The following STIM1 variants were observed in gnomAD, a reference collection of about 807,000 sequenced individuals.
STIM1 encodes stromal interaction molecule 1.
STIM1 carries 25 observed loss-of-function variants against 74.7 expected under a neutral mutation model. That is an observed-to-expected ratio of 0.33 (90% confidence interval 0.24 to 0.47). The LOEUF (loss-of-function observed/expected upper bound fraction) is 0.47. STIM1 is among the 20% of genes least tolerant of loss of function. STIM1 has a pLI of 1.00. For synonymous variants in STIM1, 328 were observed against 348.8 expected, an observed-to-expected ratio of 0.94 and a Z score of 0.66; for missense variants, 728 against 920.8, an observed-to-expected ratio of 0.79 and a Z score of 2.71.
At chr11:4,074,461 C>T (rs753305870) in intron 6 of STIM1, 41 bp from the exon 7 acceptor site, 2 of 1,611,350 alleles carry the variant, frequency 1.2e-6, no homozygotes, top group Non-Finnish European at 1.7e-6. Context: ...GCTGGCACCC[C>T]CTTGCCTGGC....
At chr11:4,052,914 G>C (rs1201972552) in intron 3 of STIM1, among the ~76,000 whole-genome samples, 1 of 152,170 alleles carries the variant, frequency 6.6e-6, no homozygotes. Context: ...TCAAAAAGTA[G>C]GCGAAGGATA....
At chr11:3,981,803 T>C (rs945131134) in intron 2 of STIM1, among the ~76,000 whole-genome samples, 3 of 152,112 alleles carry the variant, frequency 2.0e-5, no homozygotes, top group African/African-American at 7.2e-5. Context: ...CTTAAAATGA[T>C]AGGAAAGACT....
At chr11:4,058,089 G>A (rs1347968751) in intron 4 of STIM1, among the ~76,000 whole-genome samples, 2 of 152,162 alleles carry the variant, frequency 1.3e-5, no homozygotes, top group African/African-American at 2.4e-5. Flanking sequence ...TAGAAAAGAC[G>A]ACAATGTTTA....
At chr11:3,938,394 A>G (rs957511306) in intron 1 of STIM1, among the ~76,000 whole-genome samples, 3 of 152,140 alleles carry the variant, frequency 2.0e-5, no homozygotes, top group Non-Finnish European at 2.9e-5. Flanking sequence ...CCAAGTCACA[A>G]AATATCCTGT....
At chr11:4,001,423 A>G (rs373028797) in intron 2 of STIM1, among the ~76,000 whole-genome samples, 3 of 152,070 alleles carry the variant, frequency 2.0e-5, no homozygotes, top group Admixed American at 2.0e-4. Context: ...GAGAGTGGGG[A>G]CCAATATTCA....
intron 1 of STIM1, among the ~76,000 whole-genome samples, chr11:3,904,650 G>C (rs971028426): frequency 6.6e-6 from 1 of 152,150 alleles, no homozygotes; most frequent in South Asian, 2.1e-4. Flanking sequence ...AGTAGCAGAT[G>C]ATGAGGCTGG....
At chr11:4,032,927 T>C (rs1195332934) in intron 3 of STIM1, among the ~76,000 whole-genome samples, 2 of 152,258 alleles carry the variant, frequency 1.3e-5, no homozygotes, top group African/African-American at 4.8e-5. Flanking sequence ...CATGAAGTCC[T>C]TGCCCATGCC....
At chr11:4,088,607 G>C in intron 12 of STIM1, 1 of 1,187,840 alleles carries the variant, frequency 8.4e-7, no homozygotes, top group South Asian at 1.3e-5. Context: ...CATGCTCCAA[G>C]GTTTAAGCTG....
chr11:4,088,506 C>T, intron 12 of STIM1: 1 of 557,346 alleles, frequency 1.8e-6, no homozygotes, highest in Non-Finnish European at 3.3e-6. Flanking sequence ...TTCTCATTTT[C>T]ATCCAAAAGC....
At chr11:4,074,768 A>G in intron 7 of STIM1, 89 bp downstream of exon 7, 1 of 1,353,178 alleles carries the variant, frequency 7.4e-7, no homozygotes. Flanking sequence ...ATGTGTGAGG[A>G]ATTTGAAATA....
chr11:3,875,511 A>G (rs1029106761), intron 1 of STIM1, among the ~76,000 whole-genome samples: 1 of 152,142 alleles, frequency 6.6e-6, no homozygotes, highest in Non-Finnish European at 1.5e-5. Flanking sequence ...AGATCGCTTG[A>G]GCTCAGGAGC....
rs55792544 is a variant in STIM1 at position 3,875,725 on chromosome 11, CAA to C, written c.139+19328_139+19329del. The stretch of plus-strand genomic sequence containing the variant: ...TGGGTGACAAAGTGAGACCCTGTCT[CAA>C]AAAAAAAAAAACCCCTAAAAACAAC... On this transcript the variant is annotated intron_variant, in intron 1 of 12. Transcript: ENST00000526596. Among the ~76,000 whole-genome samples the C allele has an allele frequency of 9.1e-4, 125 of 137,326 alleles. 1 individual carries two copies. The highest frequency in any genetic ancestry group is 1.5e-3 in the African/African-American group (54 of 36,146). The allele number at this position is 137,326 out of a possible 152,430, so 90.1% of individuals were successfully genotyped here.
rs566281703 is a variant in STIM1 at position 3,930,465 on chromosome 11, C to G, written c.140-37087C>G. Among the ~76,000 whole-genome samples, 85 of 152,234 alleles carry G rather than the reference C, an allele frequency of 5.6e-4. 1 individual carries two copies. The South Asian group carries it at 0.016, about 29-fold the overall frequency. On this transcript the variant is annotated intron_variant, in intron 1 of 12. Coordinates refer to ENST00000526596, the MANE Select transcript of STIM1 (RefSeq NM_001382567.1). ...GGGGACACTTGTATTATTGAATTAT[C>G]TCATATAGCTCAGGAAAATGGGGGC...
chr11:3,909,540 T>A (rs2092525394), intron 1 of STIM1, among the ~76,000 whole-genome samples: 1 of 152,054 alleles, frequency 6.6e-6, no homozygotes, highest in South Asian at 2.1e-4. Context: ...AGTCATCTTA[T>A]GGGGCTGGGC....
intron 1 of STIM1, among the ~76,000 whole-genome samples, chr11:3,919,936 G>T (rs1238850981): frequency 1.3e-5 from 2 of 152,020 alleles, no homozygotes; most frequent in African/African-American, 4.8e-5. Flanking sequence ...AAATTAGTCT[G>T]GCATGGTGGC....
At chr11:3,884,559 G>A (rs987655550) in intron 1 of STIM1, among the ~76,000 whole-genome samples, 3 of 152,172 alleles carry the variant, frequency 2.0e-5, no homozygotes, top group African/African-American at 4.8e-5. Context: ...CTGGCAAAAG[G>A]GAATAGCCTT....
chr11:3,877,453 A>G (rs1185073602), intron 1 of STIM1, among the ~76,000 whole-genome samples: 1 of 152,074 alleles, frequency 6.6e-6, no homozygotes, highest in Non-Finnish European at 1.5e-5. Flanking sequence ...GAGACTCTGG[A>G]CTTAGCTGAT....
At chr11:3,886,910 T>G (rs10160254) in intron 1 of STIM1, among the ~76,000 whole-genome samples, 55,498 of 150,604 alleles carry the variant, frequency 0.37, 10,683 homozygotes, top group South Asian at 0.48. Flanking sequence ...GCTGAGGCAG[T>G]AGAATCACTT....
chr11:3,984,360 A>T (rs2093537700), intron 2 of STIM1, among the ~76,000 whole-genome samples: 1 of 151,856 alleles, frequency 6.6e-6, no homozygotes. Context: ...GAACATTCTG[A>T]CCCCCTGCTC....
Sources: allele counts gnomAD v4.1 joint callset (sites outside exome capture counted in the v4.1 genomes callset), GRCh38; gene constraint gnomAD v4.1.1; transcripts MANE v1.5; gene names NCBI Gene and HGNC (gene_info 2026-07-23, HGNC 2026-07-21).